PDE6B: variants seen among roughly 807,000 people sequenced by gnomAD.
PDE6B encodes the protein phosphodiesterase 6B.
PDE6B carries 106 observed loss-of-function variants against 109.0 expected under a neutral mutation model. The ratio of observed to expected loss-of-function variants is 0.97; its 90% confidence interval spans 0.83 to 1.14. The LOEUF (loss-of-function observed/expected upper bound fraction) is 1.14. Among genes scored for constraint, PDE6B ranks in the 50% most tolerant of loss-of-function variants. The pLI is 0.00. For synonymous variants in PDE6B, 490 were observed against 471.3 expected (o/e 1.04, Z -0.51); for missense variants, 1,193 against 1,155.6 (o/e 1.03, Z -0.47).
chr4:637,065 G>T (rs916593019), intron 3 of PDE6B, among the ~76,000 whole-genome samples: 1 of 152,206 alleles, frequency 6.6e-6, no homozygotes, highest in South Asian at 2.1e-4. Flanking sequence ...ATTTATGTCA[G>T]TGTGGACTTA....
rs78917857 is a variant in PDE6B, at chr4:637,537, T to C, written c.711+1568T>C. On this transcript the variant is annotated intron_variant, in intron 3 of 21. Transcript: ENST00000496514. The stretch of plus-strand genomic sequence containing the variant: ...CACCGAGCCTGGCTTGGTTTTGAAA[T>C]GGATGCCCCTGTCTCATTGTGTATT... Among the ~76,000 whole-genome samples the C allele has an allele frequency of 2.0e-3, 300 of 152,308 alleles. 4 individuals are homozygous for C. The East Asian group carries it at 0.034, about 17-fold the overall frequency.
chr4:659,924 G>A (rs1452203364), intron 11 of PDE6B, among the ~76,000 whole-genome samples: 1 of 152,212 alleles, frequency 6.6e-6, no homozygotes, highest in Non-Finnish European at 1.5e-5. Context: ...AGCCTTGTGA[G>A]TAGGCCTTGG....
chr4:654,238 A>C (rs761993999), intron 5 of PDE6B, 84 bp downstream of exon 5: 3 of 1,025,096 alleles, frequency 2.9e-6, no homozygotes, highest in Admixed American at 3.9e-5. Flanking sequence ...AGGGAGGGAT[A>C]GGGGTGGGGT....
chr4:630,056 C>G (rs1201123130), intron 1 of PDE6B, among the ~76,000 whole-genome samples: 1 of 152,080 alleles, frequency 6.6e-6, no homozygotes, highest in Non-Finnish European at 1.5e-5. Flanking sequence ...CAGGCAAGGA[C>G]CCCCCGGCCA....
Position 667,814 on chromosome 4 carries a change from C to T in PDE6B, c.2353-42C>T, listed in dbSNP as rs117027900. 2,170 of 1,597,770 alleles carry T rather than the reference C, an allele frequency of 1.4e-3. 3 individuals carry two copies. The highest frequency in any genetic ancestry group is 1.7e-3 in the Non-Finnish European group (2,000 of 1,166,956). ...AAGGGCTATCTTACTCTGGAGAGAG[C>T]AGGCAGGACAGGACTGGTGGTGACT... On this transcript the variant is annotated intron_variant, in intron 20 of 21. Coordinates refer to ENST00000496514, the MANE Select transcript of PDE6B (RefSeq NM_000283.4).
intron 8 of PDE6B, among the ~76,000 whole-genome samples, chr4:656,601 C>T (rs1043488018): frequency 1.3e-5 from 2 of 152,110 alleles, no homozygotes; most frequent in Non-Finnish European, 2.9e-5. Flanking sequence ...CCTGCGAGGC[C>T]GTGACCGCCG....
intron 3 of PDE6B, among the ~76,000 whole-genome samples, chr4:641,609 G>A (rs1734947778): frequency 6.6e-6 from 1 of 152,230 alleles, no homozygotes. Context: ...CCTGACCACA[G>A]CCCCGCACAC....
At chr4:635,211 G>A (rs1207346611) in intron 2 of PDE6B, among the ~76,000 whole-genome samples, 1 of 144,004 alleles carries the variant, frequency 6.9e-6, no homozygotes, top group Non-Finnish European at 1.5e-5. Context: ...CTGCCCGCGT[G>A]TTCTGTGCTG....
intron 3 of PDE6B, among the ~76,000 whole-genome samples, chr4:641,907 A>G (rs1369407152): frequency 6.6e-6 from 1 of 152,106 alleles, no homozygotes; most frequent in African/African-American, 2.4e-5. Context: ...TCAGCCTCCC[A>G]AAGTGCTGGA....
intron 3 of PDE6B, among the ~76,000 whole-genome samples, chr4:642,725 C>CAAAAAAAAAAAAAAAAAAAAAAA (rs71636506): frequency 3.0e-4 from 13 of 43,332 alleles, no homozygotes; most frequent in African/African-American, 9.3e-4. Flanking sequence ...GACACTGTCT[C>CAAAAAAAAAAAAAAAAAAAAAAA]AAAAAAAAAA....
At chr4:630,866 A>G (rs1420308550) in intron 1 of PDE6B, among the ~76,000 whole-genome samples, 5 of 152,226 alleles carry the variant, frequency 3.3e-5, no homozygotes, top group Admixed American at 3.3e-4. Context: ...GCTGGGACCA[A>G]GGGTGTATCT....
In PDE6B at chr4:663,602, C is replaced by A; in HGVS notation, c.1921-168C>A. 1.5e-6 allele frequency: 1 copy of A among 656,164 alleles called. No individual in the cohort carries two copies. The highest frequency in any genetic ancestry group is 2.4e-5 in the Admixed American group (1 of 42,456). The allele number at this position is 656,164 out of a possible 1,614,324, so 40.6% of individuals were successfully genotyped here. A position where few individuals can be genotyped will look rare whatever the true frequency, so the allele number is the denominator to read the frequency against. Reference sequence around the variant, plus strand: ...ATGGAGCCGCTGGTGGAGAGCTGGGCACCCTGAGGAGGGCCCTGAGCAGCA... The same window carrying A: ...ATGGAGCCGCTGGTGGAGAGCTGGGAACCCTGAGGAGGGCCCTGAGCAGCA... On this transcript the variant is annotated intron_variant, in intron 15 of 21. Coordinates refer to ENST00000496514, the MANE Select transcript of PDE6B (RefSeq NM_000283.4). This position sits in a 1 kb window ranked among gnomAD's most constrained non-coding sequence, Gnocchi z 4.0.
chr4:647,878 G>C (rs1235461255), intron 3 of PDE6B, among the ~76,000 whole-genome samples: 1 of 151,972 alleles, frequency 6.6e-6, no homozygotes, highest in African/African-American at 2.4e-5. Context: ...TTCGAGACCA[G>C]CCTGGCCAAA....
chr4:656,005 T>C lies in PDE6B; in HGVS notation c.1058T>C (p.Phe353Ser). 6.3e-7 allele frequency: 1 copy of C among 1,589,784 alleles called. No individual in the cohort carries two copies. Among genetic ancestry groups the C allele is most frequent in the South Asian group, 1.1e-5 (1 of 90,618 alleles). The change falls in exon 7 of 22, where the codon TTT (phenylalanine) becomes TCT (serine). Residue 353 changes from phenylalanine to serine, a missense_variant and splice_region_variant. By Grantham distance (155) the Phe-to-Ser change is radical. Coordinates refer to ENST00000496514, the MANE Select transcript of PDE6B (RefSeq NM_000283.4). ...GLPSYVAESG[F>S]ICNIMNASAD... ...CCAAGCTACGTGGCAGAAAGCGGCT[T>C]TGTGAGTCCCGTGCTGTCTGGAGTC...
Position 657,434 on chromosome 4 carries a change from C to G in PDE6B, c.1341C>G (p.Ile447Met), listed in dbSNP as rs180768440. 3 of 1,613,172 alleles carry G rather than the reference C, an allele frequency of 1.9e-6. No individual in the cohort carries two copies. The highest frequency in any genetic ancestry group is 1.1e-5 in the South Asian group (1 of 91,084). Residue 447 changes from isoleucine to methionine, a missense_variant, in exon 10 of 22, where the codon ATC becomes ATG. Transcript: ENST00000496514. Reference protein sequence around the residue: ...KMNKLENRKDIAQDMVLYHVK... With the variant: ...KMNKLENRKDMAQDMVLYHVK... ...ACAAGCTGGAGAACCGCAAGGACATCGCACAGGACATGGTCCTTTACCACG... is the reference window on the plus strand; with the variant it reads ...ACAAGCTGGAGAACCGCAAGGACATGGCACAGGACATGGTCCTTTACCACG...
chr4:664,831 C>T lies in PDE6B; in HGVS notation c.2130-50C>T, dbSNP rs188951901. 4.4e-4 allele frequency: 626 copies of T among 1,427,598 alleles called. No homozygotes were observed. The African/African-American group carries it at 7.5e-3, about 17-fold the overall frequency. 88.4% of individuals were successfully genotyped at this position (1,427,598 alleles called of 1,614,324 possible). ...AAAAAAGAAAACACATATAAACCAC[C>T]TGCCCTCAGGAGACGCCCATCAGCA... is the stretch of plus-strand genomic sequence containing the variant. On this transcript the variant is annotated intron_variant, in intron 17 of 21. Coordinates refer to ENST00000496514, the MANE Select transcript of PDE6B (RefSeq NM_000283.4).
Position 665,159 on chromosome 4 carries a change from G to A in PDE6B, c.2194-96G>A, listed in dbSNP as rs962116345. Reference sequence around the variant, plus strand: ...GTGGTGGGGACCCCGGGGGTCTGGGGCGGAGAAGACCGAGGCTCGGAGCCT... The same window carrying A: ...GTGGTGGGGACCCCGGGGGTCTGGGACGGAGAAGACCGAGGCTCGGAGCCT... On this transcript the variant is annotated intron_variant, in intron 18 of 21. Transcript: ENST00000496514. The surrounding 1 kb of genome is among the most constrained non-coding windows in gnomAD (Gnocchi z 4.0). The A allele has an allele frequency of 1.3e-4, 126 of 983,302 alleles. No individual in the cohort carries two copies. The highest frequency in any genetic ancestry group is 2.0e-4 in the Non-Finnish European group (121 of 617,380). 60.9% of individuals were successfully genotyped at this position (983,302 alleles called of 1,614,324 possible).
In PDE6B at chr4:636,398, G is replaced by C. The variant is rs1234792545; in HGVS notation, c.711+429G>C. Among the ~76,000 whole-genome samples the C allele has an allele frequency of 6.6e-6, 1 of 152,116 alleles. No homozygotes were observed. Among genetic ancestry groups the C allele is most frequent in the Non-Finnish European group, 1.5e-5 (1 of 67,986 alleles). On this transcript the variant is annotated intron_variant, in intron 3 of 21. Transcript: ENST00000496514. This position sits in a 1 kb window ranked among gnomAD's most constrained non-coding sequence, Gnocchi z 4.5. ...GGCAGGTCCGGCCCTGGCTGAGAGAGGGTACGGGGGCAGGTCTGGCCCTGG... is the reference window on the plus strand; with the variant it reads ...GGCAGGTCCGGCCCTGGCTGAGAGACGGTACGGGGGCAGGTCTGGCCCTGG...
Position 656,320 on chromosome 4 carries a change from ATACT to A in PDE6B, c.1107+36_1107+39del, listed in dbSNP as rs530056430. The A allele has an allele frequency of 5.9e-5, 81 of 1,383,280 alleles. No homozygotes were observed. In the African/African-American group the frequency reaches 1.0e-3, roughly 18 times the overall value. The allele number at this position is 1,383,280 out of a possible 1,614,324, so 85.7% of individuals were successfully genotyped here. ...ATCTGTCTGTGCCTTGGTAGAAATTATACTTACTTACAAAAGAGGAGATTTTGAT... is the reference window on the plus strand; with the variant it reads ...ATCTGTCTGTGCCTTGGTAGAAATTATACTTACAAAAGAGGAGATTTTGAT... On this transcript the variant is annotated intron_variant, in intron 8 of 21. Transcript: ENST00000496514.
Sources: allele counts gnomAD v4.1 joint callset (sites outside exome capture counted in the v4.1 genomes callset), GRCh38; gene constraint gnomAD v4.1.1; non-coding constraint Gnocchi (gnomAD v3.1); transcripts MANE v1.5; gene names NCBI Gene and HGNC (gene_info 2026-07-23, HGNC 2026-07-21).